Variants in ARHGAP29 observed in about 807,000 individuals in gnomAD.
The protein encoded by ARHGAP29 is Rho GTPase activating protein 29.
In ARHGAP29, 43 loss-of-function variants were observed where a neutral mutation model predicts 122.6. The observed-to-expected ratio is 0.35, with a 90% CI of 0.27 to 0.45. The LOEUF is 0.45. ARHGAP29 is among the 20% of genes least tolerant of loss of function. The pLI, the probability that ARHGAP29 is intolerant of heterozygous loss-of-function variation, is 1.00. For missense variants in ARHGAP29, 1,303 were observed against 1,477.2 expected (o/e 0.88, Z 1.93); for synonymous variants, 506 against 497.1 (o/e 1.02, Z -0.24).
chr1:94,237,712 G>A (rs1040458539), upstream of ARHGAP29: 7 of 985,220 alleles, frequency 7.1e-6, no homozygotes, highest in African/African-American at 7.0e-5. Flanking sequence ...AGGTACGGGA[G>A]GCAACTAGCT....
chr1:94,303,739 T>C, the ARHGAP29 span, among the ~76,000 whole-genome samples: 1 of 152,304 alleles, frequency 6.6e-6, no homozygotes, highest in African/African-American at 2.4e-5. Flanking sequence ...ATGTTTATAG[T>C]TGAGTAAGTG....
At chr1:94,286,020 C>T in the ARHGAP29 span, among the ~76,000 whole-genome samples, 2 of 152,180 alleles carry the variant, frequency 1.3e-5, no homozygotes, top group Admixed American at 6.5e-5. Flanking sequence ...TCTTAGTCAG[C>T]GTGGGCTTCC....
the ARHGAP29 span, among the ~76,000 whole-genome samples, chr1:94,310,142 G>A: frequency 2.9e-3 from 437 of 152,266 alleles, 3 homozygotes; most frequent in African/African-American, 0.01. Context: ...TACACATGAG[G>A]TCCCCAGAAA....
intron 13 of ARHGAP29, among the ~76,000 whole-genome samples, 187 bp from the exon 14 acceptor site, chr1:94,189,539 G>A (rs111719155): frequency 0.012 from 1,793 of 152,156 alleles, 33 homozygotes; most frequent in African/African-American, 0.041. Context: ...TTAATTATTT[G>A]TCCTTATTAC....
chr1:94,292,908 G>A, the ARHGAP29 span, among the ~76,000 whole-genome samples: 1 of 152,176 alleles, frequency 6.6e-6, no homozygotes, highest in Non-Finnish European at 1.5e-5. Context: ...CAGGCTACAC[G>A]GGGGTCTGGG....
At chr1:94,286,701 G>A in the ARHGAP29 span, among the ~76,000 whole-genome samples, 1 of 152,006 alleles carries the variant, frequency 6.6e-6, no homozygotes, top group African/African-American at 2.4e-5. Flanking sequence ...GAGGTCAGAA[G>A]AAACAGAGAG....
intron 1 of ARHGAP29, among the ~76,000 whole-genome samples, chr1:94,272,438 A>C (rs1199924444): frequency 2.0e-5 from 3 of 152,160 alleles, no homozygotes; most frequent in Non-Finnish European, 4.4e-5. Flanking sequence ...TGTTGCTCAG[A>C]TCTCCCTTCT....
chr1:94,191,734 T>C (rs1357573697), intron 12 of ARHGAP29: 1 of 152,206 alleles, frequency 6.6e-6, no homozygotes, highest in East Asian at 1.9e-4. Flanking sequence ...TGTCCAAATG[T>C]AGATTATGGT....
chr1:94,230,618 T>C (rs1297362908), intron 2 of ARHGAP29, among the ~76,000 whole-genome samples: 1 of 151,862 alleles, frequency 6.6e-6, no homozygotes, highest in African/African-American at 2.4e-5. Context: ...CTTACAAATT[T>C]CTATAAAGCC....
At chr1:94,228,707 C>T (rs1451077711) in intron 2 of ARHGAP29, among the ~76,000 whole-genome samples, 5 of 151,714 alleles carry the variant, frequency 3.3e-5, no homozygotes, top group African/African-American at 7.2e-5. Context: ...AAATGAAAAG[C>T]GCCATATACA....
intron 12 of ARHGAP29, among the ~76,000 whole-genome samples, chr1:94,196,268 T>TG (rs1179844601): frequency 3.5e-4 from 49 of 140,656 alleles, no homozygotes; most frequent in Non-Finnish European, 7.0e-4. Context: ...TTTTTTTTTT[T>TG]TTTTTTTTTT....
At position 94,231,540 on chromosome 1, in the gene ARHGAP29, A is replaced by G; in HGVS notation, c.72T>C (p.Ile24=). ...ACTTGAGCCCCATTTCAGAAGTTGT[A>G]ATATCAGTAGAGAGTTGACCTGATG... The part of the protein sequence containing the change: ...AWASGQLSTD[I]TTSEMGLKSL... Residue 24 remains isoleucine, a synonymous_variant, in exon 2 of 23, where the codon ATT becomes ATC. Coordinates refer to ENST00000260526, the MANE Select transcript of ARHGAP29 (RefSeq NM_004815.4). 6.2e-7 allele frequency: 1 copy of G among 1,613,876 alleles called. No individual in the cohort carries two copies. The highest frequency in any genetic ancestry group is 1.1e-5 in the South Asian group (1 of 91,070).
At position 94,189,331 on chromosome 1, in the gene ARHGAP29, A is replaced by T; in HGVS notation, c.1461T>A (p.Asn487Lys). The change falls in exon 14 of 23, where the codon AAT (asparagine) becomes AAA (lysine). Residue 487 changes from asparagine to lysine, a missense_variant. Coordinates refer to ENST00000260526, the MANE Select transcript of ARHGAP29 (RefSeq NM_004815.4). ...GTCCAAATCCTGAAGGTTGGGAACT[A>T]TTTAAATGTTTATTTACATTTCTGA... ...KVDGNVNKHL[N>K]SSQPSGFGPA... is the part of the protein sequence containing the mutation. 1 of 1,610,078 alleles carries T rather than the reference A, an allele frequency of 6.2e-7. No homozygotes were observed.
intron 3 of ARHGAP29, among the ~76,000 whole-genome samples, chr1:94,211,405 T>C (rs894772225): frequency 2.0e-5 from 3 of 151,632 alleles, no homozygotes; most frequent in Admixed American, 2.0e-4. Flanking sequence ...TTCACAGTTG[T>C]AACTGGTGAT....
At chr1:94,302,155 G>T in the ARHGAP29 span, 2 of 274,012 alleles carry the variant, frequency 7.3e-6, no homozygotes, top group Admixed American at 7.8e-5. Flanking sequence ...CAACTACATG[G>T]TCTACCATGG....
intron 3 of ARHGAP29, among the ~76,000 whole-genome samples, chr1:94,219,636 CAAAT>C (rs1652166029): frequency 6.6e-6 from 1 of 152,154 alleles, no homozygotes; most frequent in African/African-American, 2.4e-5. Flanking sequence ...CATTTCTTCT[CAAAT>C]ACTCACTTCG....
the ARHGAP29 span, among the ~76,000 whole-genome samples, chr1:94,287,190 T>G: frequency 6.6e-6 from 1 of 152,180 alleles, no homozygotes; most frequent in East Asian, 1.9e-4. Flanking sequence ...TAAAGGATAT[T>G]ACAAAGAATA....
chr1:94,183,331 A>T (rs953520634), intron 19 of ARHGAP29, among the ~76,000 whole-genome samples: 1 of 152,184 alleles, frequency 6.6e-6, no homozygotes, highest in Admixed American at 6.5e-5. Context: ...ATAGCAGCTA[A>T]GCTTGGCTCA....
At chr1:94,237,704 G>C (rs921526196), upstream of ARHGAP29, 4 of 985,276 alleles carry the variant, frequency 4.1e-6, no homozygotes, top group Non-Finnish European at 4.8e-6. Flanking sequence ...ACCGCGGCAG[G>C]TACGGGAGGC....
Sources: allele counts gnomAD v4.1 joint callset (sites outside exome capture counted in the v4.1 genomes callset), GRCh38; gene constraint gnomAD v4.1.1; transcripts MANE v1.5; gene names NCBI Gene and HGNC (gene_info 2026-07-23, HGNC 2026-07-21).